Variants in RABGAP1L observed in about 807,000 individuals in gnomAD.
RABGAP1L encodes rab GTPase-activating protein 1-like.
In RABGAP1L, 63 loss-of-function variants were observed where a neutral mutation model predicts 137.7. The ratio of observed to expected loss-of-function variants is 0.46; its 90% CI spans 0.37 to 0.56. The LOEUF is 0.56. Among genes scored for constraint, RABGAP1L ranks in the 20% least tolerant of loss-of-function variants. The pLI is 0.00. For missense variants in RABGAP1L, 1,095 were observed against 1,244.0 expected (o/e 0.88, Z 1.80); for synonymous variants, 431 against 433.7 (o/e 0.99, Z 0.08).
At chr1:174,562,629 G>A (rs1470555976) in intron 13 of RABGAP1L, among the ~76,000 whole-genome samples, 2 of 152,122 alleles carry the variant, frequency 1.3e-5, no homozygotes, top group African/African-American at 4.8e-5. Context: ...TGATAGACTG[G>A]ATAAAGAAAT....
At chr1:174,832,947 A>G (rs919446089) in intron 19 of RABGAP1L, among the ~76,000 whole-genome samples, 2 of 152,216 alleles carry the variant, frequency 1.3e-5, no homozygotes, top group African/African-American at 4.8e-5. Context: ...ACCATGAAGT[A>G]AATACTCTTA....
chr1:174,271,677 C>A (rs900889795), intron 7 of RABGAP1L, among the ~76,000 whole-genome samples: 11 of 151,978 alleles, frequency 7.2e-5, no homozygotes, highest in African/African-American at 2.7e-4. Context: ...AATAGCCTAA[C>A]AAACATAAAA....
At chr1:174,688,670 T>G (rs1376067298) in intron 15 of RABGAP1L, among the ~76,000 whole-genome samples, 1 of 152,124 alleles carries the variant, frequency 6.6e-6, no homozygotes, top group Non-Finnish European at 1.5e-5. Flanking sequence ...TGTCCACTAC[T>G]AAAATGTCCA....
intron 19 of RABGAP1L, among the ~76,000 whole-genome samples, chr1:174,912,662 T>G (rs1338698555): frequency 1.3e-5 from 2 of 152,238 alleles, no homozygotes; most frequent in Non-Finnish European, 2.9e-5. Flanking sequence ...TGAATTCTGG[T>G]CTCTTTTAGA....
chr1:174,567,546 A>G (rs1050628717), intron 13 of RABGAP1L, among the ~76,000 whole-genome samples: 15 of 152,330 alleles, frequency 9.8e-5, no homozygotes, highest in African/African-American at 3.4e-4. Context: ...ATGAATGAGT[A>G]GTAATATGGC....
chr1:174,711,037 G>A (rs939442991), intron 17 of RABGAP1L, among the ~76,000 whole-genome samples: 7 of 152,270 alleles, frequency 4.6e-5, no homozygotes, highest in African/African-American at 9.6e-5. Flanking sequence ...AAAGCCCGGC[G>A]AGAAGTCGAG....
chr1:174,861,076 C>T (rs1010144042), intron 19 of RABGAP1L, among the ~76,000 whole-genome samples: 3 of 152,104 alleles, frequency 2.0e-5, no homozygotes, highest in African/African-American at 4.8e-5. Context: ...AATTTGGGCC[C>T]TTTGAGCAAC....
intron 19 of RABGAP1L, among the ~76,000 whole-genome samples, chr1:174,905,715 G>GT (rs1658940945): frequency 6.6e-6 from 1 of 152,204 alleles, no homozygotes; most frequent in Admixed American, 6.5e-5. Flanking sequence ...GCTGGACATG[G>GT]TGCCGGGTGC....
intron 13 of RABGAP1L, among the ~76,000 whole-genome samples, chr1:174,622,958 T>C (rs529354526): frequency 6.6e-6 from 1 of 152,338 alleles, no homozygotes; most frequent in African/African-American, 2.4e-5. Flanking sequence ...TTTCAGGTGG[T>C]ACTTTATGAA....
chr1:174,368,753 G>C (rs1436632868), intron 11 of RABGAP1L, among the ~76,000 whole-genome samples: 1 of 152,036 alleles, frequency 6.6e-6, no homozygotes, highest in Non-Finnish European at 1.5e-5. Flanking sequence ...TACCGTCATA[G>C]ATTTTTTAAA....
intron 13 of RABGAP1L, among the ~76,000 whole-genome samples, chr1:174,530,089 T>G (rs1664256308): frequency 1.3e-5 from 2 of 151,358 alleles, no homozygotes; most frequent in South Asian, 4.2e-4. Context: ...GAGGAAGCAG[T>G]TGTGCTGCTG....
chr1:174,856,397 T>TAAA (rs150232187), intron 19 of RABGAP1L, among the ~76,000 whole-genome samples: 8 of 115,240 alleles, frequency 6.9e-5, no homozygotes, highest in African/African-American at 1.6e-4. Flanking sequence ...TCCCTCTCAA[T>TAAA]AAAAAAAAAA....
At chr1:174,168,963 A>C (rs1213832811) in intron 1 of RABGAP1L, among the ~76,000 whole-genome samples, 1 of 152,182 alleles carries the variant, frequency 6.6e-6, no homozygotes, top group Non-Finnish European at 1.5e-5. Context: ...CATCACCTGA[A>C]TATCCACCAT....
intron 10 of RABGAP1L, among the ~76,000 whole-genome samples, chr1:174,295,850 C>G (rs1677080729): frequency 1.3e-5 from 2 of 152,214 alleles, no homozygotes; most frequent in South Asian, 4.1e-4. Context: ...TCCTGTGTGA[C>G]TCCCAGGTAG....
intron 7 of RABGAP1L, among the ~76,000 whole-genome samples, chr1:174,261,738 T>C (rs1673594536): frequency 6.6e-6 from 1 of 152,254 alleles, no homozygotes; most frequent in African/African-American, 2.4e-5. Flanking sequence ...TTTTTACTTT[T>C]GCCTTAGCAA....
chr1:174,443,713 T>C (rs1300060365), intron 13 of RABGAP1L, among the ~76,000 whole-genome samples: 2 of 152,116 alleles, frequency 1.3e-5, no homozygotes, highest in Non-Finnish European at 2.9e-5. Flanking sequence ...ATTTTTGTTT[T>C]GTTGCCTGTG....
chr1:174,636,329 C>T (rs754966430), intron 13 of RABGAP1L, among the ~76,000 whole-genome samples: 1 of 151,938 alleles, frequency 6.6e-6, no homozygotes. Context: ...CCAGCCTGTT[C>T]CAACACAGTG....
intron 19 of RABGAP1L, among the ~76,000 whole-genome samples, chr1:174,840,947 T>G (rs943549267): frequency 6.6e-6 from 1 of 151,988 alleles, no homozygotes; most frequent in African/African-American, 2.4e-5. Context: ...CAGACAAGAT[T>G]GAATTTAGTG....
In RABGAP1L at chr1:174,838,279, T is replaced by C. The variant is rs535025791; in HGVS notation, c.2340+26319T>C. ...GGAACTGAGGAAAGCTTAACAATTA[T>C]ACTATATTGGATAGGTGAAATCTAG... On this transcript the variant is annotated intron_variant, in intron 19 of 25. Coordinates refer to ENST00000681986, the MANE Select transcript of RABGAP1L (RefSeq NM_001366446.1). 4.6e-5 allele frequency among the ~76,000 whole-genome samples: 7 copies of C among 152,338 alleles called. No homozygotes were observed. In the East Asian group the frequency reaches 1.2e-3, roughly 25 times the overall value.
Sources: allele counts gnomAD v4.1 joint callset (sites outside exome capture counted in the v4.1 genomes callset), GRCh38; gene constraint gnomAD v4.1.1; transcripts MANE v1.5; gene names NCBI Gene and HGNC (gene_info 2026-07-23, HGNC 2026-07-21).